Variants in SLC7A1 observed in about 807,000 individuals in gnomAD.
SLC7A1 encodes solute carrier family 7 member 1, also known as high affinity cationic amino acid transporter 1.
SLC7A1 carries 10 observed loss-of-function variants against 53.9 expected under a neutral mutation model. The ratio of observed to expected loss-of-function variants is 0.19; its 90% CI spans 0.11 to 0.31. SLC7A1 has a LOEUF of 0.31. Among genes scored for constraint, SLC7A1 ranks in the 10% least tolerant of loss-of-function variants. SLC7A1 has a pLI of 1.00. For synonymous variants in SLC7A1, 342 were observed against 338.7 expected, an observed-to-expected ratio of 1.01 and a Z score of -0.11; for missense variants, 525 against 827.2, an observed-to-expected ratio of 0.63 and a Z score of 4.48.
At chr13:29,575,226 C>T (rs1001008996) in intron 1 of SLC7A1, among the ~76,000 whole-genome samples, 1 of 152,178 alleles carries the variant, frequency 6.6e-6, no homozygotes, top group Non-Finnish European at 1.5e-5. Context: ...CAAACAAACA[C>T]CTAAGAACAC....
chr13:29,532,514 C>T (rs1392689605), intron 4 of SLC7A1, among the ~76,000 whole-genome samples: 1 of 152,200 alleles, frequency 6.6e-6, no homozygotes, highest in Non-Finnish European at 1.5e-5. Flanking sequence ...ATTCCCAGGA[C>T]ACTCACACAA....
At chr13:29,578,282 C>T (rs1288363116) in intron 1 of SLC7A1, among the ~76,000 whole-genome samples, 3 of 152,088 alleles carry the variant, frequency 2.0e-5, no homozygotes, top group African/African-American at 2.4e-5. Context: ...GGCTGCACAA[C>T]TGAAGTTTTT....
chr13:29,518,220 C>T (rs1307931599), intron 9 of SLC7A1, among the ~76,000 whole-genome samples: 1 of 152,200 alleles, frequency 6.6e-6, no homozygotes, highest in Non-Finnish European at 1.5e-5. Context: ...AATGTGGCTG[C>T]AGGCTAGATG....
intron 1 of SLC7A1, among the ~76,000 whole-genome samples, chr13:29,562,811 A>C (rs1420991513): frequency 1.3e-5 from 2 of 152,210 alleles, no homozygotes; most frequent in Non-Finnish European, 2.9e-5. Flanking sequence ...GTTCTATAAT[A>C]CTTACAAATG....
intron 2 of SLC7A1, among the ~76,000 whole-genome samples, chr13:29,543,401 G>A (rs1566262809): frequency 6.6e-6 from 1 of 152,232 alleles, no homozygotes; most frequent in South Asian, 2.1e-4. Flanking sequence ...AAGGGCCAGG[G>A]TGATGACTCA....
rs770428174 is a variant in SLC7A1, at chr13:29,516,126, A to T, written c.1786+12T>A. On this transcript the variant is annotated intron_variant, in intron 12 of 12. Coordinates refer to ENST00000380752, the MANE Select transcript of SLC7A1 (RefSeq NM_003045.5). ...CCAGGATCTTGGACGTGCTGGCAGCAGCATCACATACCTATCAGCATCCAC... is the reference window on the plus strand; with the variant it reads ...CCAGGATCTTGGACGTGCTGGCAGCTGCATCACATACCTATCAGCATCCAC... 6.4e-7 allele frequency: 1 copy of T among 1,554,774 alleles called. No homozygotes were observed. Among genetic ancestry groups the T allele is most frequent in the South Asian group, 1.1e-5 (1 of 88,954 alleles).
In SLC7A1 at chr13:29,585,972, A is replaced by G. The variant is rs1247533029; in HGVS notation, c.-115+9444T>C. On this transcript the variant is annotated intron_variant, in intron 1 of 12. Coordinates refer to ENST00000380752, the MANE Select transcript of SLC7A1 (RefSeq NM_003045.5). ...TGAGAAACCCTGGGCAAACCAGGCA[A>G]AAATTCTCAACCACAGGACAGGACA... Among the ~76,000 whole-genome samples the G allele has an allele frequency of 2.0e-5, 3 of 152,240 alleles. No individual in the cohort carries two copies. The East Asian group carries it at 5.8e-4, about 29-fold the overall frequency.
chr13:29,523,076 G>C (rs1329231605), intron 7 of SLC7A1, among the ~76,000 whole-genome samples, 190 bp downstream of exon 7: 2 of 151,956 alleles, frequency 1.3e-5, no homozygotes, highest in Non-Finnish European at 2.9e-5. Flanking sequence ...CACAACTCTT[G>C]GGATGATGAA....
intron 2 of SLC7A1, among the ~76,000 whole-genome samples, chr13:29,550,592 G>T (rs950671555): frequency 2.0e-5 from 3 of 152,194 alleles, no homozygotes; most frequent in Non-Finnish European, 4.4e-5. Flanking sequence ...CTGCATGTCG[G>T]CCAAAAAGAG....
At chr13:29,589,318 A>C (rs1408261825) in intron 1 of SLC7A1, among the ~76,000 whole-genome samples, 1 of 152,214 alleles carries the variant, frequency 6.6e-6, no homozygotes, top group Non-Finnish European at 1.5e-5. Context: ...GGGTCTCCCC[A>C]GGTGGAGATG....
At chr13:29,537,313 C>T (rs754464737) in intron 2 of SLC7A1, among the ~76,000 whole-genome samples, 2 of 152,338 alleles carry the variant, frequency 1.3e-5, no homozygotes, top group East Asian at 1.9e-4. Flanking sequence ...CACAGTCTTT[C>T]CCCCAAAAAC....
chr13:29,519,966 T>C (rs889219072), intron 8 of SLC7A1, among the ~76,000 whole-genome samples: 3 of 152,150 alleles, frequency 2.0e-5, no homozygotes, highest in African/African-American at 7.2e-5. Context: ...CTCTAGACCA[T>C]GCTGATTCAC....
At chr13:29,556,542 C>G (rs1870449632) in intron 1 of SLC7A1, among the ~76,000 whole-genome samples, 1 of 152,042 alleles carries the variant, frequency 6.6e-6, no homozygotes, top group Non-Finnish European at 1.5e-5. Flanking sequence ...CCACGCCTGG[C>G]TAATTTTTGT....
At chr13:29,563,535 G>A (rs1593571528) in intron 1 of SLC7A1, among the ~76,000 whole-genome samples, 2 of 152,328 alleles carry the variant, frequency 1.3e-5, no homozygotes, top group Admixed American at 1.3e-4. Flanking sequence ...AGAAACAGGG[G>A]AAGAACAGCA....
intron 2 of SLC7A1, among the ~76,000 whole-genome samples, chr13:29,541,848 G>C (rs939435248): frequency 3.9e-5 from 6 of 152,184 alleles, no homozygotes; most frequent in Admixed American, 6.5e-5. Context: ...TCTAGACTAT[G>C]TATGGACAAT....
chr13:29,582,426 C>T (rs889650402), intron 1 of SLC7A1, among the ~76,000 whole-genome samples: 2 of 152,242 alleles, frequency 1.3e-5, no homozygotes, highest in Non-Finnish European at 2.9e-5. Context: ...AGGCCACTAA[C>T]GTAAACGGAC....
Position 29,522,306 on chromosome 13 carries a change from C to T in SLC7A1, c.1189+11G>A, listed in dbSNP as rs1322036043. ...AAAACATTTCCATGTGAAATGAGTTCTAGTACTCACCAGCAACGGCACCCG... is the reference window on the plus strand; with the variant it reads ...AAAACATTTCCATGTGAAATGAGTTTTAGTACTCACCAGCAACGGCACCCG... On this transcript the variant is annotated intron_variant, in intron 8 of 12. Transcript: ENST00000380752. 6.2e-7 allele frequency: 1 copy of T among 1,614,004 alleles called. No homozygotes were observed. Among genetic ancestry groups the T allele is most frequent in the Non-Finnish European group, 8.5e-7 (1 of 1,179,968 alleles).
At chr13:29,542,806 T>A (rs1233207665) in intron 2 of SLC7A1, among the ~76,000 whole-genome samples, 1 of 149,612 alleles carries the variant, frequency 6.7e-6, no homozygotes, top group Non-Finnish European at 1.5e-5. Flanking sequence ...TTATGCAGCT[T>A]AAAAAAAAAA....
At position 29,526,246 on chromosome 13, in the gene SLC7A1, C is replaced by T. The variant is rs148874398; in HGVS notation, c.705-1993G>A. 1.5e-3 allele frequency among the ~76,000 whole-genome samples: 225 copies of T among 152,304 alleles called. 2 individuals carry two copies. Among genetic ancestry groups the T allele is most frequent in the African/African-American group, 5.2e-3 (218 of 41,552 alleles). ...ATGGGAGGCCGAGGCGGGAGAATCA[C>T]CTGAGGCCATAAGTTAGGGACCAGC... On this transcript the variant is annotated intron_variant, in intron 5 of 12. Coordinates refer to ENST00000380752, the MANE Select transcript of SLC7A1 (RefSeq NM_003045.5).
Sources: gnomAD v4.1 joint callset for allele counts (sites outside exome capture counted in the v4.1 genomes callset) on GRCh38, gnomAD v4.1.1 for gene constraint, MANE v1.5 for transcripts, NCBI Gene and HGNC (gene_info 2026-07-23, HGNC 2026-07-21) for gene names.